Variants in EFCAB6 observed in about 807,000 individuals in gnomAD.
The protein encoded by EFCAB6 is EF-hand calcium binding domain 6.
A neutral mutation model predicts 169.8 loss-of-function variants in EFCAB6; 156 were observed. That is an observed-to-expected ratio of 0.92 (90% CI 0.81 to 1.05). EFCAB6 has a LOEUF of 1.05. EFCAB6 is among the 50% of genes least tolerant of loss of function. The pLI is 0.00. For synonymous variants in EFCAB6, 698 were observed against 676.4 expected, an observed-to-expected ratio of 1.03 and a Z score of -0.50; for missense variants, 1,800 against 1,829.1, an observed-to-expected ratio of 0.98 and a Z score of 0.29.
chr22:43,618,354 C>G (rs55838518), intron 20 of EFCAB6, among the ~76,000 whole-genome samples: 1 of 151,754 alleles, frequency 6.6e-6, no homozygotes, highest in Non-Finnish European at 1.5e-5. Context: ...CTTTGACAGC[C>G]GCATGAAGAC....
chr22:43,582,796 G>A (rs922378894), intron 24 of EFCAB6, among the ~76,000 whole-genome samples: 6 of 152,110 alleles, frequency 3.9e-5, no homozygotes, highest in African/African-American at 1.4e-4. Flanking sequence ...GGGGAAACCT[G>A]AAGGTCAAAA....
chr22:43,755,349 C>T (rs1207897941), intron 6 of EFCAB6, among the ~76,000 whole-genome samples: 1 of 152,204 alleles, frequency 6.6e-6, no homozygotes, highest in African/African-American at 2.4e-5. Context: ...TTACTCAATA[C>T]TTAAGTATAT....
At chr22:43,769,069 C>T (rs1165014108) in intron 4 of EFCAB6, among the ~76,000 whole-genome samples, 1 of 152,100 alleles carries the variant, frequency 6.6e-6, no homozygotes, top group African/African-American at 2.4e-5. Context: ...GTGCTATTCA[C>T]AAAAGTCAAA....
chr22:43,593,065 G>GT (rs2051687982), intron 23 of EFCAB6, among the ~76,000 whole-genome samples: 1 of 120,800 alleles, frequency 8.3e-6, no homozygotes, highest in Non-Finnish European at 1.7e-5. Context: ...AGAGGAGGAG[G>GT]TAAAAAAAAA....
chr22:43,798,852 C>A (rs2062603908), intron 2 of EFCAB6, among the ~76,000 whole-genome samples: 2 of 152,220 alleles, frequency 1.3e-5, no homozygotes, highest in Non-Finnish European at 2.9e-5. Flanking sequence ...CCTCTTAAAT[C>A]TATCTTCTGC....
At chr22:43,548,575 A>G (rs1415084258) in intron 27 of EFCAB6, among the ~76,000 whole-genome samples, 2 of 147,434 alleles carry the variant, frequency 1.4e-5, no homozygotes, top group African/African-American at 5.0e-5. Context: ...AAAAAAGGTC[A>G]ACTCAGTAGG....
chr22:43,659,100 C>G (rs1196029087), intron 17 of EFCAB6, among the ~76,000 whole-genome samples: 3 of 152,248 alleles, frequency 2.0e-5, no homozygotes, highest in Non-Finnish European at 4.4e-5. Context: ...TACCCCTAAT[C>G]CAGCACATGC....
In EFCAB6 at chr22:43,782,303, T is replaced by C; in HGVS notation, c.16A>G (p.Ile6Val). The change falls in exon 3 of 32, where the codon ATT (isoleucine) becomes GTT (valine). Residue 6 changes from isoleucine (I) to valine (V), a missense_variant. Physicochemically the swap from Ile to Val is conservative, Grantham distance 29. Coordinates refer to ENST00000262726, the MANE Select transcript of EFCAB6 (RefSeq NM_022785.4). ...TGCGACCTAAGCCAGTCTGGTATAA[T>C]CGCCATTTTGCACATTAAATCCCTG... MCKMA[I>V]IPDWLRSHPH... 1 of 1,613,362 alleles carries C rather than the reference T, an allele frequency of 6.2e-7. No individual in the cohort carries two copies. The highest frequency in any genetic ancestry group is 8.5e-7 in the Non-Finnish European group (1 of 1,179,846).
intron 17 of EFCAB6, among the ~76,000 whole-genome samples, chr22:43,654,983 C>T (rs531634033): frequency 1.3e-5 from 2 of 152,274 alleles, no homozygotes; most frequent in South Asian, 2.1e-4. Flanking sequence ...TGAGGCCAGG[C>T]GCTGTGGCTC....
chr22:43,795,089 C>T lies in EFCAB6; in HGVS notation c.-7-12764G>A, dbSNP rs1010633462. 6.6e-6 allele frequency among the ~76,000 whole-genome samples: 1 copy of T among 152,180 alleles called. No homozygotes were observed. Among genetic ancestry groups the T allele is most frequent in the African/African-American group, 2.4e-5 (1 of 41,432 alleles). On this transcript the variant is annotated intron_variant, in intron 2 of 31. Coordinates refer to ENST00000262726, the MANE Select transcript of EFCAB6 (RefSeq NM_022785.4). This position sits in a 1 kb window ranked among gnomAD's most constrained non-coding sequence, Gnocchi z 4.2. ...CATCGTCACAGACAGTCTACCCTCA[C>T]ACACTGTAAGACCCACCCCCACAAA...
At chr22:43,597,519 G>A (rs1053091063) in intron 23 of EFCAB6, among the ~76,000 whole-genome samples, 2 of 152,170 alleles carry the variant, frequency 1.3e-5, no homozygotes, top group African/African-American at 2.4e-5. Context: ...GATCATCAGG[G>A]AAACGCAAGT....
chr22:43,560,246 C>T (rs535790677), intron 26 of EFCAB6, among the ~76,000 whole-genome samples: 1 of 151,956 alleles, frequency 6.6e-6, no homozygotes, highest in Non-Finnish European at 1.5e-5. Context: ...TTGATATCAA[C>T]ATTGATATTA....
Position 43,590,130 on chromosome 22 carries a change from C to T in EFCAB6, c.2976G>A (p.Val992=). 2 of 1,614,172 alleles carry T rather than the reference C, an allele frequency of 1.2e-6. No homozygotes were observed. The highest frequency in any genetic ancestry group is 1.7e-6 in the Non-Finnish European group (2 of 1,180,018). The change falls in exon 24 of 32, where the codon GTG becomes GTA. Residue 992 remains valine, a synonymous_variant. Transcript: ENST00000262726. ...NYISICKMQE[V]LEECGCSLTE... ...TAAGAGAACATCCACATTCTTCCAG[C>T]ACTTCCTGCATCTTGCATATGGATA... is the stretch of plus-strand genomic sequence containing the variant.
At chr22:43,665,444 G>T (rs2057203181) in intron 17 of EFCAB6, among the ~76,000 whole-genome samples, 1 of 152,170 alleles carries the variant, frequency 6.6e-6, no homozygotes, top group South Asian at 2.1e-4. Flanking sequence ...AAAACCAGGG[G>T]CAGACTAGGG....
At position 43,632,290 on chromosome 22, in the gene EFCAB6, C is replaced by CCTT. The variant is rs750076171; in HGVS notation, c.2099-55_2099-53dup. On this transcript the variant is annotated intron_variant, in intron 18 of 31. Coordinates refer to ENST00000262726, the MANE Select transcript of EFCAB6 (RefSeq NM_022785.4). The stretch of plus-strand genomic sequence containing the variant: ...TCCATTAGTGCCCATCAGCTTCATT[C>CCTT]CTTCTTTTTTTTTTTTTTTTTTTTT... 1.3e-5 allele frequency: 18 copies of CCTT among 1,361,556 alleles called. No individual in the cohort carries two copies. The East Asian group carries it at 4.2e-4, about 31-fold the overall frequency. 84.3% of individuals were successfully genotyped at this position (1,361,556 alleles called of 1,614,324 possible).
At chr22:43,670,169 G>C (rs902370110) in intron 15 of EFCAB6, among the ~76,000 whole-genome samples, 1 of 152,090 alleles carries the variant, frequency 6.6e-6, no homozygotes, top group Non-Finnish European at 1.5e-5. Flanking sequence ...CCACTATTTT[G>C]AAACTCCAAA....
At chr22:43,685,808 T>C (rs2058172432) in intron 11 of EFCAB6, among the ~76,000 whole-genome samples, 1 of 152,226 alleles carries the variant, frequency 6.6e-6, no homozygotes, top group Admixed American at 6.5e-5. Flanking sequence ...ATGGTTCATC[T>C]GCTCATATCT....
At chr22:43,607,924 A>C (rs930005271) in intron 22 of EFCAB6, among the ~76,000 whole-genome samples, 1 of 152,220 alleles carries the variant, frequency 6.6e-6, no homozygotes, top group Non-Finnish European at 1.5e-5. Flanking sequence ...AAAACAGCTA[A>C]ATCGAAAATA....
At chr22:43,567,602 G>C (rs1200650616) in intron 26 of EFCAB6, among the ~76,000 whole-genome samples, 1 of 152,180 alleles carries the variant, frequency 6.6e-6, no homozygotes, top group African/African-American at 2.4e-5. Flanking sequence ...CTCAGGAAGG[G>C]AGCGGGGAGC....
Sources: allele counts gnomAD v4.1 joint callset (sites outside exome capture counted in the v4.1 genomes callset), GRCh38; gene constraint gnomAD v4.1.1; non-coding constraint Gnocchi (gnomAD v3.1); transcripts MANE v1.5; gene names NCBI Gene and HGNC (gene_info 2026-07-23, HGNC 2026-07-21).